The following KCNJ1 variants were observed in gnomAD, a reference collection of about 807,000 sequenced individuals.
The protein encoded by KCNJ1 is potassium inwardly rectifying channel subfamily J member 1.
A neutral mutation model predicts 21.9 loss-of-function variants in KCNJ1; 24 were observed. The ratio of observed to expected loss-of-function variants is 1.10; its 90% CI spans 0.79 to 1.54. KCNJ1 has a LOEUF of 1.54. Ranked by LOEUF, KCNJ1 falls within the 40% of genes most tolerant of loss-of-function variation. The pLI is 0.00. For synonymous variants in KCNJ1, 152 were observed against 160.9 expected, an observed-to-expected ratio of 0.94 and a Z score of 0.42; for missense variants, 457 against 455.4, an observed-to-expected ratio of 1.00 and a Z score of -0.03.
At chr11:128,848,458 C>T (rs1276614243) in intron 2 of KCNJ1, among the ~76,000 whole-genome samples, 2 of 152,138 alleles carry the variant, frequency 1.3e-5, no homozygotes, top group African/African-American at 4.8e-5. Context: ...TCCCAAAGTG[C>T]TGAGATTACG....
chr11:128,838,963 T>C lies in KCNJ1; in HGVS notation c.*162A>G, dbSNP rs1295140266. 1.5e-6 allele frequency: 1 copy of C among 655,162 alleles called. No homozygotes were observed. Among genetic ancestry groups the C allele is most frequent in the Admixed American group, 2.5e-5 (1 of 40,636 alleles). The allele number at this position is 655,162 out of a possible 1,614,324, so 40.6% of individuals were successfully genotyped here. ...AATACAGTAGCCTTGTGGAGATGCA[T>C]GTCTTGTGGGATCACAATTGCGGGG... On this transcript the variant is annotated 3_prime_UTR_variant, in exon 3 of 3. Coordinates refer to ENST00000392666, the MANE Select transcript of KCNJ1 (RefSeq NM_153766.3).
chr11:128,852,693 C>G (rs1033229544), intron 1 of KCNJ1, among the ~76,000 whole-genome samples: 1 of 152,276 alleles, frequency 6.6e-6, no homozygotes, highest in East Asian at 1.9e-4. Context: ...ATGCCCCCAT[C>G]CTCATTACCG....
chr11:128,840,059 A>G lies in KCNJ1; in HGVS notation c.185T>C (p.Met62Thr). ...TVLDLKWRYKMTIFITAFLGS... is the reference protein window; with the variant it reads ...TVLDLKWRYKTTIFITAFLGS... ...CAAGAAGGCTGTGATGAAAATGGTC[A>G]TTTTGTATCTCCACTTGAGGTCAAG... The change falls in exon 3 of 3, where the codon ATG (methionine) becomes ACG (threonine). Residue 62 changes from methionine to threonine, a missense_variant. By Grantham distance (81) the Met-to-Thr change is moderately conservative. Coordinates refer to ENST00000392666, the MANE Select transcript of KCNJ1 (RefSeq NM_153766.3). 2 of 1,614,216 alleles carry G rather than the reference A, an allele frequency of 1.2e-6. No individual in the cohort carries two copies. Among genetic ancestry groups the G allele is most frequent in the Non-Finnish European group, 1.7e-6 (2 of 1,180,016 alleles).
At position 128,840,002 on chromosome 11, in the gene KCNJ1, T is replaced by C. The variant is rs387907439; in HGVS notation, c.242A>G (p.Tyr81Cys). ...GSWFFFGLLW[Y>C]AVAYIHKDLP... is the part of the protein sequence containing the mutation. ...GTCTTTGTGAATGTACGCTACTGCA[T>C]ACCACAGGAGACCAAAGAAAAACCA... is the stretch of plus-strand genomic sequence containing the variant. The change falls in exon 3 of 3, where the codon TAT becomes TGT. Residue 81 changes from tyrosine (Y) to cysteine (C), a missense_variant. Physicochemically the swap from Tyr to Cys is radical, Grantham distance 194. Transcript: ENST00000392666. 1.9e-6 allele frequency: 3 copies of C among 1,613,960 alleles called. No homozygotes were observed. Among genetic ancestry groups the C allele is most frequent in the Non-Finnish European group, 2.5e-6 (3 of 1,180,014 alleles).
At chr11:128,865,645 T>A (rs1046243191) in intron 1 of KCNJ1, among the ~76,000 whole-genome samples, 1 of 152,024 alleles carries the variant, frequency 6.6e-6, no homozygotes, top group African/African-American at 2.4e-5. Flanking sequence ...CCAGGAAGCC[T>A]TCAATGCATG....
intron 2 of KCNJ1, among the ~76,000 whole-genome samples, chr11:128,843,735 C>A (rs2135944348): frequency 6.6e-6 from 1 of 152,306 alleles, no homozygotes; most frequent in South Asian, 2.1e-4. Context: ...CTTCAACTGG[C>A]AGAAAACTCA....
At chr11:128,840,793 A>G (rs1290984064) in intron 2 of KCNJ1, among the ~76,000 whole-genome samples, 2 of 152,238 alleles carry the variant, frequency 1.3e-5, no homozygotes, top group East Asian at 3.8e-4. Context: ...ATACTCATAT[A>G]TCAAGAAAAA....
chr11:128,864,503 CATG>C (rs1450882053), intron 1 of KCNJ1, among the ~76,000 whole-genome samples: 1 of 152,060 alleles, frequency 6.6e-6, no homozygotes, highest in African/African-American at 2.4e-5. Flanking sequence ...CCTGCTTGTT[CATG>C]ATGATTTCTG....
chr11:128,842,198 G>A (rs1010974264), intron 2 of KCNJ1, among the ~76,000 whole-genome samples: 2 of 152,096 alleles, frequency 1.3e-5, no homozygotes, highest in Admixed American at 6.5e-5. Flanking sequence ...TTTTTTCCCA[G>A]CACCCTGCTC....
intron 1 of KCNJ1, among the ~76,000 whole-genome samples, chr11:128,864,524 T>C (rs1943782701): frequency 1.3e-5 from 2 of 152,188 alleles, no homozygotes; most frequent in African/African-American, 4.8e-5. Flanking sequence ...CTGAACCACA[T>C]AATCGAGCCA....
At position 128,840,222 on chromosome 11, in the gene KCNJ1, A is replaced by G; in HGVS notation, c.22T>C (p.Trp8Arg). Residue 8 changes from tryptophan (W) to arginine (R), a missense_variant, in exon 3 of 3, where the codon TGG becomes CGG. By Grantham distance (101) the Trp-to-Arg change is moderately radical. Transcript: ENST00000392666. MFKHLRK[W>R]VVTRFFGHSR... Reference sequence around the variant, plus strand: ...TGCCCAAAAAAGCGAGTGACGACCCATTTCCGAAGATGTTTGAACATACTT... The same window carrying G: ...TGCCCAAAAAAGCGAGTGACGACCCGTTTCCGAAGATGTTTGAACATACTT... 3.1e-6 allele frequency: 5 copies of G among 1,614,170 alleles called. No homozygotes were observed. The highest frequency in any genetic ancestry group is 4.2e-6 in the Non-Finnish European group (5 of 1,180,028).
chr11:128,839,737 A>C lies in KCNJ1; in HGVS notation c.507T>G (p.Arg169=). 1 of 1,613,794 alleles carries C rather than the reference A, an allele frequency of 6.2e-7. No homozygotes were observed. Among genetic ancestry groups the C allele is most frequent in the Non-Finnish European group, 8.5e-7 (1 of 1,179,956 alleles). The part of the protein sequence containing the change: ...ILAKISRPKK[R]AKTITFSKNA... ...TCTTGCTGAACGTAATGGTCTTGGC[A>C]CGTTTTTTGGGCCTGGAGATCTTGG... is the stretch of plus-strand genomic sequence containing the variant. Residue 169 remains arginine (R), a synonymous_variant, in exon 3 of 3, where the codon CGT becomes CGG. Coordinates refer to ENST00000392666, the MANE Select transcript of KCNJ1 (RefSeq NM_153766.3).
In KCNJ1 at chr11:128,840,075, T is replaced by C. The variant is rs1565522728; in HGVS notation, c.169A>G (p.Lys57Glu). 6.2e-7 allele frequency: 1 copy of C among 1,613,362 alleles called. No homozygotes were observed. Among genetic ancestry groups the C allele is most frequent in the Non-Finnish European group, 8.5e-7 (1 of 1,179,272 alleles). The change falls in exon 3 of 3, where the codon AAG (lysine) becomes GAG (glutamate). Residue 57 changes from lysine (K) to glutamate (E), a missense_variant. Coordinates refer to ENST00000392666, the MANE Select transcript of KCNJ1 (RefSeq NM_153766.3). Reference protein sequence around the residue: ...VDIWTTVLDLKWRYKMTIFIT... With the variant: ...VDIWTTVLDLEWRYKMTIFIT... ...AAAATGGTCATTTTGTATCTCCACT[T>C]GAGGTCAAGTACCGTTGTCCAGATG...
chr11:128,849,847 A>T (rs116479309), intron 2 of KCNJ1, among the ~76,000 whole-genome samples: 40 of 152,246 alleles, frequency 2.6e-4, no homozygotes, highest in Non-Finnish European at 5.1e-4. Flanking sequence ...GTTTGGTGTG[A>T]TGACAATGGC....
At chr11:128,854,524 A>T (rs1213129788) in intron 1 of KCNJ1, among the ~76,000 whole-genome samples, 3 of 151,982 alleles carry the variant, frequency 2.0e-5, no homozygotes, top group African/African-American at 7.3e-5. Flanking sequence ...CCAAGGAGAG[A>T]GAGGGATGGA....
intron 2 of KCNJ1, among the ~76,000 whole-genome samples, chr11:128,846,412 G>A (rs1283617518): frequency 6.6e-6 from 1 of 152,102 alleles, no homozygotes; most frequent in African/African-American, 2.4e-5. Context: ...GTTTAATCAG[G>A]GGTCACTGGT....
At chr11:128,851,400 C>T (rs1358801119) in intron 1 of KCNJ1, among the ~76,000 whole-genome samples, 2 of 152,102 alleles carry the variant, frequency 1.3e-5, no homozygotes, top group Non-Finnish European at 2.9e-5. Context: ...ATAATTTTTG[C>T]AAATCAAATA....
intron 1 of KCNJ1, among the ~76,000 whole-genome samples, chr11:128,853,827 T>C (rs1432143038): frequency 1.3e-5 from 2 of 152,230 alleles, no homozygotes; most frequent in Non-Finnish European, 2.9e-5. Context: ...AAGTGGTTAC[T>C]GTGCTCCTGA....
At chr11:128,857,402 C>T (rs1201230943) in intron 1 of KCNJ1, among the ~76,000 whole-genome samples, 1 of 152,182 alleles carries the variant, frequency 6.6e-6, no homozygotes, top group Non-Finnish European at 1.5e-5. Context: ...ACAGAACACA[C>T]CCTCCAGGAC....
Sources: allele counts gnomAD v4.1 joint callset (sites outside exome capture counted in the v4.1 genomes callset), GRCh38; gene constraint gnomAD v4.1.1; transcripts MANE v1.5; gene names NCBI Gene and HGNC (gene_info 2026-07-23, HGNC 2026-07-21).